PACS2: variants seen among roughly 807,000 people sequenced by gnomAD.
The protein encoded by PACS2 is phosphofurin acidic cluster sorting protein 2, also known as PACS1-like protein.
PACS2 carries 36 observed loss-of-function variants against 113.0 expected under a neutral mutation model. That is an observed-to-expected ratio of 0.32 (90% CI 0.24 to 0.42). PACS2 has a LOEUF of 0.42. PACS2 is among the 10% of genes least tolerant of loss of function. The pLI is 1.00. For synonymous variants in PACS2, 589 were observed against 536.1 expected (o/e 1.10, Z -1.36); for missense variants, 1,015 against 1,239.5 (o/e 0.82, Z 2.72).
rs782176765 is a variant in PACS2 at position 105,365,164 on chromosome 14, G to A, written c.424-2049G>A. On this transcript the variant is annotated intron_variant, in intron 4 of 24. Transcript: ENST00000447393. This position sits in a 1 kb window ranked among gnomAD's most constrained non-coding sequence, Gnocchi z 5.1. ...CACAGAGCATCTGCTGGACTAACCC[G>A]GGAGGGTGGTCTCAGGGTCAGCAGG... Among the ~76,000 whole-genome samples, 43 of 152,214 alleles carry A rather than the reference G, an allele frequency of 2.8e-4. No individual in the cohort carries two copies. The highest frequency in any genetic ancestry group is 5.0e-4 in the Non-Finnish European group (34 of 68,040).
chr14:105,333,372 C>G, intron 1 of PACS2, among the ~76,000 whole-genome samples: 1 of 152,254 alleles, frequency 6.6e-6, no homozygotes, highest in Non-Finnish European at 1.5e-5. Flanking sequence ...TCCCATGGCG[C>G]CACTGCTGTG....
Position 105,314,974 on chromosome 14 carries a change from C to A in PACS2, c.56C>A (p.Pro19His). 1 of 1,243,080 alleles carries A rather than the reference C, an allele frequency of 8.0e-7. No individual in the cohort carries two copies. Among genetic ancestry groups the A allele is most frequent in the Non-Finnish European group, 1.0e-6 (1 of 970,590 alleles). The allele number at this position is 1,243,080 out of a possible 1,614,324, so 77.0% of individuals were successfully genotyped here. The change falls in exon 1 of 25, where the codon CCC becomes CAC. Residue 19 changes from proline to histidine, a missense_variant. By Grantham distance (77) the Pro-to-His change is moderately conservative (BLOSUM62 -2). Coordinates refer to ENST00000447393, the MANE Select transcript of PACS2 (RefSeq NM_001100913.3). ...GGCGCGCCCGGCGCGCTCAACACGC[C>A]CGTGCCCATGAACCTGTTCGCCACC... ...LPGAPGALNT[P>H]VPMNLFATWE...
At chr14:105,380,677 T>C (rs1242580906) in intron 11 of PACS2, among the ~76,000 whole-genome samples, 2 of 152,138 alleles carry the variant, frequency 1.3e-5, no homozygotes, top group African/African-American at 4.8e-5. Context: ...TCCCCCCTGC[T>C]GCGTTGCATG....
At chr14:105,325,378 C>T (rs1269563998) in intron 1 of PACS2, among the ~76,000 whole-genome samples, 1 of 152,178 alleles carries the variant, frequency 6.6e-6, no homozygotes, top group Non-Finnish European at 1.5e-5. Context: ...AGTCCCCATG[C>T]AGCCCTTGCA....
rs2060549481 is a variant in PACS2, at chr14:105,358,667, CTG to C, written c.423+3491_423+3492del. Among the ~76,000 whole-genome samples the C allele has an allele frequency of 2.6e-5, 4 of 152,154 alleles. No individual in the cohort carries two copies. The highest frequency in any genetic ancestry group is 4.4e-5 in the Non-Finnish European group (3 of 68,008). ...GGGTGACCTGGGAGTGCGGTGGTGG[CTG>C]AGGGAGCAGCCATGCTTCTTTGCAC... On this transcript the variant is annotated intron_variant, in intron 4 of 24. Coordinates refer to ENST00000447393, the MANE Select transcript of PACS2 (RefSeq NM_001100913.3). This position sits in a 1 kb window ranked among gnomAD's most constrained non-coding sequence, Gnocchi z 4.9.
At chr14:105,388,702 T>A (rs987202745) in intron 19 of PACS2, 15 of 152,284 alleles carry the variant, frequency 9.9e-5, no homozygotes, top group Non-Finnish European at 1.8e-4. Context: ...TCCTCTGCAC[T>A]GTGTGTGCAC....
At chr14:105,343,275 A>G (rs1225950410) in intron 1 of PACS2, among the ~76,000 whole-genome samples, 1 of 152,214 alleles carries the variant, frequency 6.6e-6, no homozygotes, top group Non-Finnish European at 1.5e-5. Flanking sequence ...CTTTGTGTGA[A>G]GGACATCGGG....
chr14:105,356,332 A>T lies in PACS2; in HGVS notation c.423+1155A>T, dbSNP rs2060445497. 6.6e-6 allele frequency among the ~76,000 whole-genome samples: 1 copy of T among 152,192 alleles called. No individual in the cohort carries two copies. Among genetic ancestry groups the T allele is most frequent in the Non-Finnish European group, 1.5e-5 (1 of 68,022 alleles). ...TGGGAGCGTGGAGGGTACAGGAAGC[A>T]GCAGTGGCGTCCCGAGGCCTCGCTT... On this transcript the variant is annotated intron_variant, in intron 4 of 24. Coordinates refer to ENST00000447393, the MANE Select transcript of PACS2 (RefSeq NM_001100913.3). The surrounding 1 kb of genome is among the most constrained non-coding windows in gnomAD (Gnocchi z 4.0).
intron 9 of PACS2, among the ~76,000 whole-genome samples, chr14:105,377,806 G>T (rs1232650556): frequency 1.3e-5 from 2 of 152,236 alleles, no homozygotes; most frequent in Non-Finnish European, 2.9e-5. Context: ...TGTTCCTCCT[G>T]TTCTGGAGAT....
At chr14:105,310,931 C>T (rs2058336843), upstream of PACS2, among the ~76,000 whole-genome samples, 1 of 152,168 alleles carries the variant, frequency 6.6e-6, no homozygotes, top group Non-Finnish European at 1.5e-5. Flanking sequence ...ATACATACTG[C>T]ACATGGACAT....
chr14:105,307,435 C>T (rs1179467612), intron 1 of PACS2, among the ~76,000 whole-genome samples: 1 of 152,148 alleles, frequency 6.6e-6, no homozygotes, highest in Non-Finnish European at 1.5e-5. Context: ...AAGGCTCTTG[C>T]CCACCCTTTC....
chr14:105,391,910 C>G (rs2081372105), intron 22 of PACS2, 144 bp downstream of exon 22: 1 of 820,020 alleles, frequency 1.2e-6, no homozygotes, highest in Non-Finnish European at 1.8e-6. Context: ...TGCAGGACGG[C>G]TGGGTCCTCT....
chr14:105,306,683 G>A (rs587649115), intron 1 of PACS2, among the ~76,000 whole-genome samples: 51 of 151,930 alleles, frequency 3.4e-4, no homozygotes, highest in African/African-American at 1.2e-3. Flanking sequence ...TTGATGTACC[G>A]CAATCTCTAC....
chr14:105,368,194 T>A, intron 6 of PACS2, 47 bp downstream of exon 6: 1 of 1,351,996 alleles, frequency 7.4e-7, no homozygotes, highest in Non-Finnish European at 1.0e-6. Flanking sequence ...TCACACCGGG[T>A]GTCCTGGGGT....
chr14:105,314,654 G>A (rs1386412789), upstream of PACS2: 1 of 143,842 alleles, frequency 7.0e-6, no homozygotes, highest in Non-Finnish European at 1.5e-5. Flanking sequence ...AATCGGCGGC[G>A]CCGGCGCGGG....
At chr14:105,309,946 C>T (rs773435173), upstream of PACS2, among the ~76,000 whole-genome samples, 7 of 151,626 alleles carry the variant, frequency 4.6e-5, no homozygotes, top group African/African-American at 9.7e-5. The surrounding 1 kb of genome is among the most constrained non-coding windows in gnomAD (Gnocchi z 4.0). Context: ...CCACCACACC[C>T]GACTAATTTT....
intron 15 of PACS2, 37 bp downstream of exon 15, chr14:105,382,950 A>G (rs934859389): frequency 7.9e-7 from 1 of 1,267,290 alleles, no homozygotes; most frequent in South Asian, 1.2e-5. Context: ...CCACCCAAGT[A>G]CCCCTCGGGG....
rs754539432 is a variant in PACS2 at position 105,324,989 on chromosome 14, C to T, written c.119+9952C>T. Among the ~76,000 whole-genome samples the T allele has an allele frequency of 7.2e-5, 11 of 152,060 alleles. No homozygotes were observed. Among genetic ancestry groups the T allele is most frequent in the African/African-American group, 1.2e-4 (5 of 41,472 alleles). On this transcript the variant is annotated intron_variant, in intron 1 of 24. Transcript: ENST00000447393. The surrounding 1 kb of genome is among the most constrained non-coding windows in gnomAD (Gnocchi z 4.7). ...CACACGGGCCTGGGGCTGAGCAACC[C>T]GCTCTGGGCCTGGCTGTTCCGCTCC...
chr14:105,342,425 G>A lies in PACS2; in HGVS notation c.120-6068G>A, dbSNP rs587681992. On this transcript the variant is annotated intron_variant, in intron 1 of 24. Transcript: ENST00000447393. ...TGGGACTGCAGGTGCGCCCCACCAA[G>A]CCCAGCTAATTTTTGTATTTTTTTG... Among the ~76,000 whole-genome samples, 8 of 152,022 alleles carry A rather than the reference G, an allele frequency of 5.3e-5. No individual in the cohort carries two copies. The South Asian group carries it at 1.7e-3, about 32-fold the overall frequency.
Sources: allele counts gnomAD v4.1 joint callset (sites outside exome capture counted in the v4.1 genomes callset), GRCh38; gene constraint gnomAD v4.1.1; non-coding constraint Gnocchi (gnomAD v3.1); transcripts MANE v1.5; gene names NCBI Gene and HGNC (gene_info 2026-07-23, HGNC 2026-07-21).